The following NRXN3 variants were observed in gnomAD, a reference collection of about 807,000 sequenced individuals.
The protein encoded by NRXN3 is neurexin 3, also known as neurexin III.
In NRXN3, 32 loss-of-function variants were observed where a neutral mutation model predicts 137.6. The ratio of observed to expected loss-of-function variants is 0.23; its 90% CI spans 0.18 to 0.31. NRXN3 has a LOEUF of 0.31. NRXN3 is among the 10% of genes least tolerant of loss of function. NRXN3 has a pLI of 1.00. For missense variants in NRXN3, 1,574 were observed against 2,062.5 expected (o/e 0.76, Z 4.59); for synonymous variants, 798 against 784.5 (o/e 1.02, Z -0.29).
At chr14:78,956,035 A>C (rs899940484) in intron 10 of NRXN3, among the ~76,000 whole-genome samples, 2 of 152,230 alleles carry the variant, frequency 1.3e-5, no homozygotes, top group African/African-American at 4.8e-5. Context: ...CCCTGTGCTC[A>C]GTATATGTTG....
At chr14:79,188,025 A>G (rs1213426257) in intron 15 of NRXN3, among the ~76,000 whole-genome samples, 1 of 152,248 alleles carries the variant, frequency 6.6e-6, no homozygotes, top group African/African-American at 2.4e-5. Flanking sequence ...CATTTTTACC[A>G]TAAGAGGTCA....
intron 10 of NRXN3, among the ~76,000 whole-genome samples, chr14:78,852,898 GT>G (rs954121635): frequency 1.4e-5 from 2 of 146,322 alleles, no homozygotes; most frequent in African/African-American, 5.0e-5. Context: ...TTTTGAGTTT[GT>G]TTTAATTTTT....
At chr14:79,420,966 A>G (rs1042763354) in intron 15 of NRXN3, among the ~76,000 whole-genome samples, 1 of 152,204 alleles carries the variant, frequency 6.6e-6, no homozygotes, top group South Asian at 2.1e-4. Context: ...TAAGAAAATC[A>G]TTGTGAAACC....
rs565916708 is a variant in NRXN3 at position 79,809,136 on chromosome 14, T to G, written c.4093+3946T>G. The stretch of plus-strand genomic sequence containing the variant: ...GACTAAATTAGTTTGAAACAGAACT[T>G]TATATCTCTAACTTCATTTCCCCTT... On this transcript the variant is annotated intron_variant, in intron 20 of 20. Transcript: ENST00000335750. Among the ~76,000 whole-genome samples, 63 of 152,316 alleles carry G rather than the reference T, an allele frequency of 4.1e-4. 1 individual carries two copies. Among genetic ancestry groups the G allele is most frequent in the Admixed American group, 1.6e-3 (24 of 15,306 alleles).
At chr14:79,373,498 T>C (rs1042770629) in intron 15 of NRXN3, among the ~76,000 whole-genome samples, 1 of 152,250 alleles carries the variant, frequency 6.6e-6, no homozygotes, top group East Asian at 1.9e-4. Flanking sequence ...TTTAGTTTTT[T>C]GCATTACTTC....
At chr14:79,306,535 C>T (rs991466256) in intron 15 of NRXN3, among the ~76,000 whole-genome samples, 1 of 152,098 alleles carries the variant, frequency 6.6e-6, no homozygotes, top group South Asian at 2.1e-4. Flanking sequence ...TATTTTAATA[C>T]AAGGCTATTT....
At chr14:79,750,319 G>A (rs1176579140) in intron 19 of NRXN3, among the ~76,000 whole-genome samples, 1 of 151,948 alleles carries the variant, frequency 6.6e-6, no homozygotes, top group Non-Finnish European at 1.5e-5. Context: ...TGTAAACAAG[G>A]ACACATTAAA....
At chr14:78,996,147 T>C (rs2099529619) in intron 15 of NRXN3, among the ~76,000 whole-genome samples, 1 of 152,222 alleles carries the variant, frequency 6.6e-6, no homozygotes, top group African/African-American at 2.4e-5. Flanking sequence ...TATTAATTTA[T>C]ATTCAGTTTC....
intron 16 of NRXN3, among the ~76,000 whole-genome samples, chr14:79,574,296 A>G (rs1369600367): frequency 2.6e-5 from 4 of 152,090 alleles, no homozygotes; most frequent in Non-Finnish European, 5.9e-5. Flanking sequence ...ATGGTATAGC[A>G]TAAAGGTTAA....
At chr14:79,287,169 T>A (rs935887467) in intron 15 of NRXN3, among the ~76,000 whole-genome samples, 1 of 152,160 alleles carries the variant, frequency 6.6e-6, no homozygotes, top group Non-Finnish European at 1.5e-5. Flanking sequence ...ATTATTTCAT[T>A]TACATAGTAC....
At chr14:79,749,233 G>A (rs1343513553) in intron 19 of NRXN3, among the ~76,000 whole-genome samples, 9 of 151,992 alleles carry the variant, frequency 5.9e-5, no homozygotes, top group Non-Finnish European at 1.0e-4. Context: ...AAGGGTGTAC[G>A]GATATGGAAA....
intron 4 of NRXN3, among the ~76,000 whole-genome samples, chr14:78,524,571 T>A (rs1257883529): frequency 6.6e-6 from 1 of 152,194 alleles, no homozygotes; most frequent in Non-Finnish European, 1.5e-5. Context: ...AATTTTTTTT[T>A]ATAACAACTT....
intron 16 of NRXN3, among the ~76,000 whole-genome samples, chr14:79,540,516 G>A (rs975825850): frequency 1.3e-5 from 2 of 152,080 alleles, no homozygotes; most frequent in African/African-American, 2.4e-5. Context: ...GTAGAACACC[G>A]GAGCTTATTC....
rs527596411 is a variant in NRXN3 at position 78,755,635 on chromosome 14, G to A, written c.2044+40496G>A. On this transcript the variant is annotated intron_variant, in intron 8 of 20. Coordinates refer to ENST00000335750, the MANE Select transcript of NRXN3 (RefSeq NM_001330195.2). ...TTCTTCTTTGGAGAAAATAGCAACC[G>A]TAGCAGCTCTAGGTGCAAAACATCT... 2.2e-4 allele frequency among the ~76,000 whole-genome samples: 34 copies of A among 152,292 alleles called. 1 individual carries two copies. The South Asian group carries it at 4.1e-3, about 19-fold the overall frequency.
chr14:78,838,239 G>A (rs987788575), intron 10 of NRXN3, among the ~76,000 whole-genome samples: 4 of 152,058 alleles, frequency 2.6e-5, no homozygotes, highest in Admixed American at 1.3e-4. Flanking sequence ...CAGTGCTTCA[G>A]AAAATCTATC....
At chr14:78,312,377 C>T (rs2078072213) in intron 4 of NRXN3, among the ~76,000 whole-genome samples, 3 of 152,064 alleles carry the variant, frequency 2.0e-5, no homozygotes, top group African/African-American at 7.2e-5. Context: ...TTTTAAAAAG[C>T]TTTTATACCC....
In NRXN3 at chr14:78,965,219, C is replaced by T. The variant is rs767764184; in HGVS notation, c.2396-806C>T. ...GGGATGGCTTGGGTTGTTGCCAGTT[C>T]TAAGGGTGGTCCCTAAATCAGCCAC... On this transcript the variant is annotated intron_variant, in intron 11 of 20. Coordinates refer to ENST00000335750, the MANE Select transcript of NRXN3 (RefSeq NM_001330195.2). 5.9e-5 allele frequency among the ~76,000 whole-genome samples: 9 copies of T among 152,146 alleles called. No homozygotes were observed. In the South Asian group the frequency reaches 6.2e-4, roughly 11 times the overall value.
At chr14:78,183,269 T>C (rs1345499925) in intron 1 of NRXN3, among the ~76,000 whole-genome samples, 1 of 152,200 alleles carries the variant, frequency 6.6e-6, no homozygotes, top group Non-Finnish European at 1.5e-5. Context: ...TTGCCTTTTT[T>C]CTCTCCTCTT....
chr14:79,181,965 T>G (rs1488028163), intron 15 of NRXN3, among the ~76,000 whole-genome samples: 1 of 152,154 alleles, frequency 6.6e-6, no homozygotes, highest in Admixed American at 6.5e-5. Flanking sequence ...GAAAATGGAT[T>G]CTTACCAGTG....
Sources: gnomAD v4.1 joint callset for allele counts (sites outside exome capture counted in the v4.1 genomes callset) on GRCh38, gnomAD v4.1.1 for gene constraint, MANE v1.5 for transcripts, NCBI Gene and HGNC (gene_info 2026-07-23, HGNC 2026-07-21) for gene names.